Variants in WWP2 observed in about 807,000 individuals in gnomAD.
WWP2 encodes WW domain containing E3 ubiquitin protein ligase 2, also known as NEDD4-like E3 ubiquitin-protein ligase WWP2.
A neutral mutation model predicts 121.0 loss-of-function variants in WWP2; 57 were observed. The observed-to-expected ratio is 0.47, with a 90% confidence interval of 0.38 to 0.59. WWP2 has a LOEUF of 0.59. Ranked by LOEUF, WWP2 falls within the 20% of genes least tolerant of loss-of-function variation. The probability of loss-of-function intolerance (pLI) is 0.00; values close to 1 mark genes in which losing one functional copy is unlikely to be tolerated. For synonymous variants in WWP2, 449 were observed against 441.3 expected (o/e 1.02, Z -0.22); for missense variants, 962 against 1,158.9 (o/e 0.83, Z 2.47).
intron 1 of WWP2, among the ~76,000 whole-genome samples, chr16:69,781,932 A>G (rs940545771): frequency 2.6e-5 from 4 of 152,032 alleles, no homozygotes; most frequent in Admixed American, 1.3e-4. Context: ...AGTAACATCA[A>G]TCTGCCCTCA....
Position 69,898,878 on chromosome 16 carries a change from G to A in WWP2, c.915-9883G>A, listed in dbSNP as rs142951422. 3.3e-5 allele frequency among the ~76,000 whole-genome samples: 5 copies of A among 152,222 alleles called. No homozygotes were observed. In the East Asian group the frequency reaches 9.7e-4, roughly 29 times the overall value. On this transcript the variant is annotated intron_variant, in intron 8 of 23. Transcript: ENST00000359154. The stretch of plus-strand genomic sequence containing the variant: ...GCCACCACTCCCAGATACTTTTTCT[G>A]TATTTAGTAGAGACGGGAATTCACC...
chr16:69,912,984 ATATATATATATTTTTTTTTTTTTTTTT>A (rs2058418323), intron 9 of WWP2, among the ~76,000 whole-genome samples: 1 of 10,054 alleles, frequency 9.9e-5, no homozygotes, highest in Non-Finnish European at 1.7e-4. Flanking sequence ...ATATATATAT[ATATATATATATTTTTTTTTTTTTTTTT>A]TTTTTTTTTT....
rs2057960809 is a variant in WWP2 at position 69,888,212 on chromosome 16, C to T, written c.877C>T (p.Pro293Ser). The T allele has an allele frequency of 6.2e-7, 1 of 1,614,180 alleles. No individual in the cohort carries two copies. The highest frequency in any genetic ancestry group is 8.5e-7 in the Non-Finnish European group (1 of 1,180,032). The change falls in exon 8 of 24, where the codon CCA (proline) becomes TCA (serine). Residue 293 changes from proline to serine, a missense_variant. Coordinates refer to ENST00000359154, the MANE Select transcript of WWP2 (RefSeq NM_001270454.2). ...EPSTSGTQQL[P>S]AAAQAPDALP... is the part of the protein sequence containing the mutation. ...CAGCACTTCGGGTACACAGCAGCTC[C>T]CAGCGGCTGCCCAGGCCCCCGACGC... is the stretch of plus-strand genomic sequence containing the variant.
intron 8 of WWP2, among the ~76,000 whole-genome samples, chr16:69,895,537 G>C (rs56377800): frequency 0.052 from 7,884 of 152,300 alleles, 269 homozygotes; most frequent in Middle Eastern, 0.11. Context: ...GCCGAGTCAG[G>C]AGGATTGGTT....
chr16:69,773,177 C>T (rs916145499), intron 1 of WWP2, among the ~76,000 whole-genome samples: 7 of 151,602 alleles, frequency 4.6e-5, no homozygotes, highest in African/African-American at 1.5e-4. Flanking sequence ...TACCGATACA[C>T]GTTGCTCCTT....
In WWP2 at chr16:69,937,800, T is replaced by G; in HGVS notation, c.2343+148T>G. 1.4e-6 allele frequency: 1 copy of G among 717,886 alleles called. No homozygotes were observed. The highest frequency in any genetic ancestry group is 2.3e-6 in the Non-Finnish European group (1 of 437,128). 44.5% of individuals were successfully genotyped at this position (717,886 alleles called of 1,614,324 possible). On this transcript the variant is annotated intron_variant, in intron 21 of 23. Transcript: ENST00000359154. This position sits in a 1 kb window ranked among gnomAD's most constrained non-coding sequence, Gnocchi z 6.6. ...GCAAAAGGAGACGATAGACCAGCCT[T>G]GGGATGAACGGGGACAGTTCCAGCT...
chr16:69,936,304 G>T lies in WWP2; in HGVS notation c.1977-8G>T. On this transcript the variant is annotated splice_polypyrimidine_tract_variant and splice_region_variant and intron_variant, in intron 18 of 23. Transcript: ENST00000359154. The stretch of plus-strand genomic sequence containing the variant: ...GACATCTCCCCACTTGGTCTCCTGT[G>T]CCCCCAGAGAGAACAACCTGGAAGA... 1 of 1,614,046 alleles carries T rather than the reference G, an allele frequency of 6.2e-7. No homozygotes were observed. The highest frequency in any genetic ancestry group is 8.5e-7 in the Non-Finnish European group (1 of 1,180,010).
chr16:69,927,755 C>G (rs2058659772), intron 11 of WWP2, among the ~76,000 whole-genome samples: 1 of 152,370 alleles, frequency 6.6e-6, no homozygotes, highest in South Asian at 2.1e-4. Flanking sequence ...TCTGTGTGTT[C>G]TGAGGTGGTG....
chr16:69,940,111 G>C lies in WWP2; in HGVS notation c.*171G>C. 1.6e-6 allele frequency: 1 copy of C among 613,410 alleles called. No homozygotes were observed. The highest frequency in any genetic ancestry group is 2.8e-6 in the Non-Finnish European group (1 of 351,294). The allele number at this position is 613,410 out of a possible 1,614,324, so 38.0% of individuals were successfully genotyped here. ...AAGCCTGATCCCAGGAGGCCCTGCA[G>C]TTCCCCCGACCCGCGGATGGCAGTC... On this transcript the variant is annotated 3_prime_UTR_variant, in exon 24 of 24. Transcript: ENST00000359154.
chr16:69,911,590 G>C (rs2058379707), intron 9 of WWP2, among the ~76,000 whole-genome samples: 1 of 152,168 alleles, frequency 6.6e-6, no homozygotes, highest in Non-Finnish European at 1.5e-5. Context: ...GAGCCAAAGA[G>C]GGTGGAAGGG....
intron 2 of WWP2, among the ~76,000 whole-genome samples, chr16:69,794,360 C>T (rs1005636082): frequency 6.6e-6 from 1 of 152,004 alleles, no homozygotes; most frequent in Non-Finnish European, 1.5e-5. Context: ...GAAACCCTGT[C>T]TCTACAAAAA....
chr16:69,938,740 T>C (rs1025924811), intron 21 of WWP2, among the ~76,000 whole-genome samples: 2 of 152,236 alleles, frequency 1.3e-5, no homozygotes, highest in Non-Finnish European at 2.9e-5. Flanking sequence ...CACTCCCATA[T>C]TTAGTCATCT....
chr16:69,808,389 C>T (rs1286597253), intron 4 of WWP2, among the ~76,000 whole-genome samples: 1 of 151,790 alleles, frequency 6.6e-6, no homozygotes, highest in Non-Finnish European at 1.5e-5. Context: ...CATGCCTGGC[C>T]TGTCTTTTAT....
chr16:69,772,122 T>C (rs992474780), intron 1 of WWP2, among the ~76,000 whole-genome samples: 7 of 151,482 alleles, frequency 4.6e-5, no homozygotes, highest in African/African-American at 1.7e-4. Context: ...CCACTACACC[T>C]GGCTAATTTT....
intron 1 of WWP2, among the ~76,000 whole-genome samples, chr16:69,762,593 C>G (rs1434182026): frequency 6.6e-6 from 1 of 151,254 alleles, no homozygotes; most frequent in Non-Finnish European, 1.5e-5. Context: ...GGTGGGCGCG[C>G]CGCGGCCCGC....
intron 6 of WWP2, among the ~76,000 whole-genome samples, chr16:69,865,231 G>T (rs2057498876): frequency 6.6e-6 from 1 of 150,984 alleles, no homozygotes; most frequent in Admixed American, 6.6e-5. Context: ...TGTTATTTTT[G>T]TAGAGACAGG....
chr16:69,827,672 G>T (rs2056725919), intron 4 of WWP2, among the ~76,000 whole-genome samples: 1 of 152,178 alleles, frequency 6.6e-6, no homozygotes, highest in Admixed American at 6.6e-5. Context: ...TTGATACCAG[G>T]CAACTGAGAG....
At chr16:69,767,793 A>G (rs974779435) in intron 1 of WWP2, among the ~76,000 whole-genome samples, 1 of 152,150 alleles carries the variant, frequency 6.6e-6, no homozygotes, top group South Asian at 2.1e-4. Flanking sequence ...TACTTATCTT[A>G]TTAGGACTCC....
At chr16:69,792,576 A>G (rs1302861930) in intron 2 of WWP2, among the ~76,000 whole-genome samples, 1 of 152,222 alleles carries the variant, frequency 6.6e-6, no homozygotes, top group African/African-American at 2.4e-5. Flanking sequence ...GTAGGTTACA[A>G]ATGTGTCAGT....
Sources: allele counts gnomAD v4.1 joint callset (sites outside exome capture counted in the v4.1 genomes callset), GRCh38; gene constraint gnomAD v4.1.1; non-coding constraint Gnocchi (gnomAD v3.1); transcripts MANE v1.5; gene names NCBI Gene and HGNC (gene_info 2026-07-23, HGNC 2026-07-21).